EFCAB5: variants seen among roughly 807,000 people sequenced by gnomAD.
EFCAB5 encodes the protein EF-hand calcium binding domain 5.
EFCAB5 carries 131 observed loss-of-function variants against 167.9 expected under a neutral mutation model. The observed-to-expected ratio is 0.78, with a 90% CI of 0.68 to 0.90. The LOEUF is 0.90. EFCAB5 is among the 40% of genes least tolerant of loss of function. The pLI, the probability that EFCAB5 is intolerant of heterozygous loss-of-function variation, is 0.00. For missense variants in EFCAB5, 1,663 were observed against 1,745.2 expected (o/e 0.95, Z 0.84); for synonymous variants, 574 against 602.8 (o/e 0.95, Z 0.70).
At chr17:29,938,877 A>C (rs2067266736), upstream of EFCAB5, among the ~76,000 whole-genome samples, 1 of 152,204 alleles carries the variant, frequency 6.6e-6, no homozygotes. Context: ...GAGGGTTGGA[A>C]TCAACTTCTT....
At chr17:30,046,702 C>T (rs542481979) in intron 8 of EFCAB5, among the ~76,000 whole-genome samples, 7 of 152,148 alleles carry the variant, frequency 4.6e-5, no homozygotes, top group South Asian at 2.1e-4. Context: ...CCAAGCTTTC[C>T]TTGGCAGGAG....
At chr17:29,967,939 A>G (rs1038407474) in intron 3 of EFCAB5, among the ~76,000 whole-genome samples, 3 of 143,346 alleles carry the variant, frequency 2.1e-5, no homozygotes, top group Non-Finnish European at 4.5e-5. Flanking sequence ...CAGTGGCATG[A>G]TCGTGGCTCA....
chr17:29,975,881 T>C (rs1423587063), intron 4 of EFCAB5, among the ~76,000 whole-genome samples: 1 of 152,174 alleles, frequency 6.6e-6, no homozygotes, highest in Non-Finnish European at 1.5e-5. Flanking sequence ...TTAAAACAAG[T>C]TCCATAAGAG....
chr17:30,073,335 G>C (rs575248252), intron 14 of EFCAB5: 408 of 544,262 alleles, frequency 7.5e-4, no homozygotes, highest in Non-Finnish European at 1.2e-3. Flanking sequence ...GGGATTACAG[G>C]CATGAGCCAC....
chr17:30,019,938 A>G (rs1213195433), intron 7 of EFCAB5, among the ~76,000 whole-genome samples: 5 of 152,204 alleles, frequency 3.3e-5, no homozygotes, highest in Non-Finnish European at 5.9e-5. Flanking sequence ...GTTTATATAT[A>G]TAAAATGTAG....
At chr17:29,932,642 A>T (rs1041952281) in intron 1 of EFCAB5, among the ~76,000 whole-genome samples, 6 of 150,272 alleles carry the variant, frequency 4.0e-5, no homozygotes, top group Non-Finnish European at 7.4e-5. Context: ...TTTTTAGTAG[A>T]TATGGGGGTT....
In EFCAB5 at chr17:29,980,754, T is replaced by G. The variant is rs538311803; in HGVS notation, c.767+11387T>G. The stretch of plus-strand genomic sequence containing the variant: ...AAGTTACCATCTATACATTCATGAC[T>G]TTTAGATTTATATCTTTGGTTCAAA... On this transcript the variant is annotated intron_variant, in intron 4 of 22. Transcript: ENST00000394835. 1.1e-4 allele frequency among the ~76,000 whole-genome samples: 17 copies of G among 152,368 alleles called. 1 individual carries two copies. The highest frequency in any genetic ancestry group is 1.0e-3 in the Admixed American group (16 of 15,298).
intron 12 of EFCAB5, among the ~76,000 whole-genome samples, chr17:30,056,485 C>G (rs544870787): frequency 6.6e-6 from 1 of 152,268 alleles, no homozygotes; most frequent in South Asian, 2.1e-4. Flanking sequence ...ACATTAGATA[C>G]TAAAACTCAA....
Position 30,096,677 on chromosome 17 carries a change from ATT to A in EFCAB5, c.4321+3760_4321+3761del, listed in dbSNP as rs71278522. Among the ~76,000 whole-genome samples the A allele has an allele frequency of 9.9e-3, 597 of 60,064 alleles. 6 individuals carry two copies. Among genetic ancestry groups the A allele is most frequent in the East Asian group, 0.07 (156 of 2,234 alleles). The allele number at this position is 60,064 out of a possible 152,430, so 39.4% of individuals were successfully genotyped here. A position where few individuals can be genotyped will look rare whatever the true frequency, so the allele number is the denominator to read the frequency against. On this transcript the variant is annotated intron_variant, in intron 22 of 22. Coordinates refer to ENST00000394835, the MANE Select transcript of EFCAB5 (RefSeq NM_198529.4). ...CATATATATATATATATATATATAT[ATT>A]TTTTTTTTTTTTTTTTTTGAGATGG...
chr17:30,003,288 T>C (rs1374464044), intron 7 of EFCAB5, among the ~76,000 whole-genome samples: 1 of 152,084 alleles, frequency 6.6e-6, no homozygotes, highest in African/African-American at 2.4e-5. Context: ...CAGGCTGGAG[T>C]GCAGTGGCAT....
At chr17:29,940,773 C>T (rs2067287233), upstream of EFCAB5, among the ~76,000 whole-genome samples, 1 of 152,160 alleles carries the variant, frequency 6.6e-6, no homozygotes, top group Admixed American at 6.5e-5. Context: ...GGTGCGGTGC[C>T]TCACACCTGT....
chr17:30,019,371 T>A (rs2069119880), intron 7 of EFCAB5, among the ~76,000 whole-genome samples: 2 of 152,066 alleles, frequency 1.3e-5, no homozygotes, highest in Admixed American at 1.3e-4. Flanking sequence ...CATATGATTA[T>A]ATTGATTTAT....
intron 17 of EFCAB5, among the ~76,000 whole-genome samples, chr17:30,082,301 G>C (rs2071002516): frequency 6.6e-6 from 1 of 150,640 alleles, no homozygotes. Context: ...TTGTTCCTTT[G>C]ATGCTATTCT....
chr17:30,032,704 G>T (rs2069509901), intron 7 of EFCAB5, among the ~76,000 whole-genome samples: 1 of 152,150 alleles, frequency 6.6e-6, no homozygotes, highest in African/African-American at 2.4e-5. Flanking sequence ...ATAAAAGCAT[G>T]TAGTTTTTGC....
intron 8 of EFCAB5, among the ~76,000 whole-genome samples, chr17:30,040,680 G>A (rs879295911): frequency 6.6e-6 from 1 of 152,206 alleles, no homozygotes; most frequent in Non-Finnish European, 1.5e-5. Flanking sequence ...GGAAGAAATT[G>A]TAGAAAGTAG....
Position 30,034,243 on chromosome 17 carries a change from A to C in EFCAB5, c.1058A>C (p.His353Pro). 5.0e-6 allele frequency: 8 copies of C among 1,613,938 alleles called. No individual in the cohort carries two copies. Among genetic ancestry groups the C allele is most frequent in the Non-Finnish European group, 6.8e-6 (8 of 1,179,848 alleles). Residue 353 changes from histidine to proline, a missense_variant, in exon 8 of 23, where the codon CAT (histidine) becomes CCT (proline). By Grantham distance (77) the His-to-Pro change is moderately conservative. Transcript: ENST00000394835. ...KMEFTEYISS[H>P]IKDLKSEMFE... is the part of the protein sequence containing the mutation. ...TTTCCCCTGTAGTACATCTCTTCACATATTAAAGACTTGAAGAGTGAAATG... is the reference window on the plus strand; with the variant it reads ...TTTCCCCTGTAGTACATCTCTTCACCTATTAAAGACTTGAAGAGTGAAATG...
At chr17:29,967,798 A>G (rs2067862505) in intron 3 of EFCAB5, among the ~76,000 whole-genome samples, 1 of 152,132 alleles carries the variant, frequency 6.6e-6, no homozygotes, top group Admixed American at 6.5e-5. Flanking sequence ...AAATGAAGAC[A>G]TAAAGGAAGC....
At chr17:29,978,117 T>G (rs1279497636) in intron 4 of EFCAB5, among the ~76,000 whole-genome samples, 1 of 152,194 alleles carries the variant, frequency 6.6e-6, no homozygotes, top group Admixed American at 6.5e-5. Context: ...GACAGCTGTC[T>G]GCTCATATTC....
intron 7 of EFCAB5, among the ~76,000 whole-genome samples, chr17:30,008,322 G>A (rs1233108059): frequency 6.6e-6 from 1 of 152,130 alleles, no homozygotes; most frequent in Non-Finnish European, 1.5e-5. Context: ...GCTGGGTGAG[G>A]TGGCTCACGC....
Sources: gnomAD v4.1 joint callset for allele counts (sites outside exome capture counted in the v4.1 genomes callset) on GRCh38, gnomAD v4.1.1 for gene constraint, MANE v1.5 for transcripts, NCBI Gene and HGNC (gene_info 2026-07-23, HGNC 2026-07-21) for gene names.